Variants in CDH3 observed in about 807,000 individuals in gnomAD.
The protein encoded by CDH3 is cadherin-3.
Under a neutral mutation model 82.0 loss-of-function variants are expected in CDH3, and 54 were observed. That is an observed-to-expected ratio of 0.66 (90% CI 0.53 to 0.83). The LOEUF is 0.83. Ranked by LOEUF, CDH3 falls within the 40% of genes least tolerant of loss-of-function variation. The pLI is 0.00. For missense variants in CDH3, 1,054 were observed against 1,084.6 expected (o/e 0.97, Z 0.40); for synonymous variants, 446 against 437.9 (o/e 1.02, Z -0.23).
chr16:68,685,370 C>T lies in CDH3; in HGVS notation c.1570+20C>T, dbSNP rs1406228658. The T allele has an allele frequency of 6.2e-7, 1 of 1,613,468 alleles. No individual in the cohort carries two copies. Among genetic ancestry groups the T allele is most frequent in the Non-Finnish European group, 8.5e-7 (1 of 1,179,850 alleles). On this transcript the variant is annotated intron_variant, in intron 11 of 15. Coordinates refer to ENST00000264012, the MANE Select transcript of CDH3 (RefSeq NM_001793.6). The stretch of plus-strand genomic sequence containing the variant: ...ACAATGGTGAGAGCATCCTCCCAGC[C>T]CTCCCACAAGGGCCACTTTTGGTTC...
At chr16:68,646,390 C>T (rs1326933614) in intron 2 of CDH3, among the ~76,000 whole-genome samples, 1 of 152,082 alleles carries the variant, frequency 6.6e-6, no homozygotes, top group Non-Finnish European at 1.5e-5. Flanking sequence ...GCCTGGGATG[C>T]TAGGTCACTG....
intron 2 of CDH3, among the ~76,000 whole-genome samples, chr16:68,658,722 C>T (rs904968757): frequency 2.0e-5 from 3 of 152,158 alleles, no homozygotes; most frequent in South Asian, 2.1e-4. Flanking sequence ...CACCGTACTT[C>T]GAAACCTGCT....
chr16:68,649,154 T>C (rs565610159), intron 2 of CDH3, among the ~76,000 whole-genome samples: 1 of 152,268 alleles, frequency 6.6e-6, no homozygotes, highest in East Asian at 1.9e-4. Flanking sequence ...CTACTCATCC[T>C]TAAGGGTGAA....
At chr16:68,646,508 C>T (rs938204973) in intron 2 of CDH3, among the ~76,000 whole-genome samples, 1 of 137,166 alleles carries the variant, frequency 7.3e-6, no homozygotes, top group Admixed American at 7.4e-5. Context: ...TCCTACCCCC[C>T]CCCTCCCCGC....
chr16:68,674,180 T>C (rs1307206450), intron 2 of CDH3, among the ~76,000 whole-genome samples: 6 of 152,182 alleles, frequency 3.9e-5, no homozygotes, highest in Admixed American at 6.5e-5. Flanking sequence ...TTTCCCTCTA[T>C]CCTTGCCAAC....
At position 68,695,344 on chromosome 16, in the gene CDH3, G is replaced by T; in HGVS notation, c.2092G>T (p.Val698Phe). The change falls in exon 14 of 16, where the codon GTC becomes TTC. Residue 698 changes from valine to phenylalanine, a missense_variant. Val to Phe is a conservative substitution (Grantham distance 50, BLOSUM62 -1). Coordinates refer to ENST00000264012, the MANE Select transcript of CDH3 (RefSeq NM_001793.6). Reference protein sequence around the residue: ...LLPEDDTRDNVFYYGEEGGGE... With the variant: ...LLPEDDTRDNFFYYGEEGGGE... Reference sequence around the variant, plus strand: ...CCCAGAAGATGACACCCGTGACAACGTCTTCTACTATGGCGAAGAGGGGGG... The same window carrying T: ...CCCAGAAGATGACACCCGTGACAACTTCTTCTACTATGGCGAAGAGGGGGG... 1.2e-6 allele frequency: 2 copies of T among 1,613,982 alleles called. No homozygotes were observed. Among genetic ancestry groups the T allele is most frequent in the African/African-American group, 2.7e-5 (2 of 75,026 alleles).
chr16:68,663,438 G>A (rs569398635), intron 2 of CDH3, among the ~76,000 whole-genome samples: 272 of 150,474 alleles, frequency 1.8e-3, no homozygotes, highest in African/African-American at 6.2e-3. Context: ...GTTTCACCAC[G>A]TTAGCCAGGA....
At chr16:68,733,095 C>A in the CDH3 span, among the ~76,000 whole-genome samples, 1 of 152,138 alleles carries the variant, frequency 6.6e-6, no homozygotes, top group Non-Finnish European at 1.5e-5. Context: ...GAATTAAGTG[C>A]TATCAACATT....
intron 2 of CDH3, chr16:68,722,690 G>A (rs947924498): frequency 6.6e-6 from 1 of 152,260 alleles, no homozygotes; most frequent in African/African-American, 2.4e-5. Flanking sequence ...CACCCCCAGA[G>A]ACCCAGGATC....
At chr16:68,689,684 C>T (rs1414590864) in intron 12 of CDH3, among the ~76,000 whole-genome samples, 1 of 152,138 alleles carries the variant, frequency 6.6e-6, no homozygotes, top group Non-Finnish European at 1.5e-5. Context: ...ACATGGTCGA[C>T]TAGTTGTTCA....
At chr16:68,696,513 G>C in intron 15 of CDH3, 1 of 185,154 alleles carries the variant, frequency 5.4e-6, no homozygotes, top group Admixed American at 5.3e-5. Flanking sequence ...ATCACTTGAC[G>C]TCAGGAGTTT....
intron 1 of CDH3, among the ~76,000 whole-genome samples, chr16:68,717,477 T>G (rs1468243722): frequency 6.6e-6 from 1 of 152,074 alleles, no homozygotes; most frequent in Non-Finnish European, 1.5e-5. Context: ...TGCCTTAAAG[T>G]TGTGATTAGG....
chr16:68,672,198 A>AT (rs1567444914), intron 2 of CDH3, among the ~76,000 whole-genome samples: 783 of 53,536 alleles, frequency 0.015, 11 homozygotes, highest in African/African-American at 0.033. Context: ...CTCAAAAAAA[A>AT]AAAAAATAAA....
chr16:68,727,652 T>C (rs1487807789), downstream of CDH3, among the ~76,000 whole-genome samples: 3 of 152,098 alleles, frequency 2.0e-5, no homozygotes, highest in Non-Finnish European at 4.4e-5. Context: ...CTCATGCCTG[T>C]AATCCCAGCA....
At chr16:68,692,141 A>G (rs1961598030) in intron 13 of CDH3, among the ~76,000 whole-genome samples, 1 of 152,020 alleles carries the variant, frequency 6.6e-6, no homozygotes, top group African/African-American at 2.4e-5. Context: ...GGCTCAAATG[A>G]TCTTCCCAGC....
Position 68,646,627 on chromosome 16 carries a change from C to T in CDH3, c.160+877C>T, listed in dbSNP as rs141296565. Reference sequence around the variant, plus strand: ...CTGGCTAGTGGAGGGCTTTCTCCCTCTAGGTTAAGAGGACAATGGATGGGG... The same window carrying T: ...CTGGCTAGTGGAGGGCTTTCTCCCTTTAGGTTAAGAGGACAATGGATGGGG... On this transcript the variant is annotated intron_variant, in intron 2 of 15. Transcript: ENST00000264012. 5.9e-5 allele frequency among the ~76,000 whole-genome samples: 9 copies of T among 151,814 alleles called. No homozygotes were observed. In the East Asian group the frequency reaches 1.4e-3, roughly 23 times the overall value.
downstream of CDH3, among the ~76,000 whole-genome samples, chr16:68,728,097 CAATAAAT>C (rs1298605281): frequency 1.3e-5 from 2 of 152,304 alleles, no homozygotes; most frequent in East Asian, 3.9e-4. Flanking sequence ...AATTGGCTTT[CAATAAAT>C]AATAAATAAA....
chr16:68,704,185 G>A (rs1003177886), downstream of CDH3, among the ~76,000 whole-genome samples: 2 of 151,430 alleles, frequency 1.3e-5, no homozygotes, highest in Non-Finnish European at 2.9e-5. Flanking sequence ...TACTCAGGAG[G>A]CTGAGGCAGG....
intron 12 of CDH3, among the ~76,000 whole-genome samples, chr16:68,690,776 G>A (rs931226201): frequency 1.3e-5 from 2 of 151,598 alleles, no homozygotes; most frequent in African/African-American, 4.8e-5. Context: ...GCATGGTGGC[G>A]GGTGCCTGTA....
Sources: allele counts gnomAD v4.1 joint callset (sites outside exome capture counted in the v4.1 genomes callset), GRCh38; gene constraint gnomAD v4.1.1; transcripts MANE v1.5; gene names NCBI Gene and HGNC (gene_info 2026-07-23, HGNC 2026-07-21).